NOSTRIN: variants seen among roughly 807,000 people sequenced by gnomAD.
NOSTRIN encodes nitric oxide synthase trafficking, also known as BM247 homolog.
In NOSTRIN, 63 loss-of-function variants were observed where a neutral mutation model predicts 59.0. That is an observed-to-expected ratio of 1.07 (90% confidence interval 0.87 to 1.32). NOSTRIN has a LOEUF of 1.32. Ranked by LOEUF, NOSTRIN falls within the 40% of genes most tolerant of loss-of-function variation. The pLI is 0.00. For synonymous variants in NOSTRIN, 200 were observed against 165.4 expected (o/e 1.21, Z -1.61); for missense variants, 512 against 473.1 (o/e 1.08, Z -0.76).
At chr2:168,850,819 C>T (rs1688720033) in intron 8 of NOSTRIN, 1 of 781,226 alleles carries the variant, frequency 1.3e-6, no homozygotes, top group African/African-American at 1.7e-5. Flanking sequence ...TTTTCTCCCC[C>T]TTCCTCATAA....
intron 7 of NOSTRIN, 68 bp from the exon 8 acceptor site, chr2:168,842,924 T>C (rs1488129123): frequency 9.8e-5 from 81 of 830,452 alleles, no homozygotes; most frequent in Non-Finnish European, 6.2e-6. Context: ...ATATAATTAT[T>C]ACTATGGAAT....
At chr2:168,787,813 C>G (rs961256991) in intron 1 of NOSTRIN, 4 of 152,154 alleles carry the variant, frequency 2.6e-5, no homozygotes, top group African/African-American at 9.7e-5. Flanking sequence ...AAGTAGAAGA[C>G]TGAAACTGGA....
At chr2:168,803,787 C>T (rs1349116159) in intron 1 of NOSTRIN, among the ~76,000 whole-genome samples, 1 of 152,142 alleles carries the variant, frequency 6.6e-6, no homozygotes, top group African/African-American at 2.4e-5. Context: ...AAGAGTGAAA[C>T]TTCCCCCTTT....
chr2:168,863,881 A>G (rs1689661028), intron 15 of NOSTRIN, among the ~76,000 whole-genome samples: 1 of 152,162 alleles, frequency 6.6e-6, no homozygotes, highest in African/African-American at 2.4e-5. Flanking sequence ...TGAGCCAGGC[A>G]GCATAAGGAT....
At chr2:168,802,604 G>A (rs1328295438), upstream of NOSTRIN, 3 of 862,616 alleles carry the variant, frequency 3.5e-6, no homozygotes, top group Non-Finnish European at 6.0e-6. Flanking sequence ...TGTCCAGAAT[G>A]CTGGAGCGTA....
At chr2:168,829,610 T>C (rs2105641519) in intron 5 of NOSTRIN, among the ~76,000 whole-genome samples, 1 of 152,344 alleles carries the variant, frequency 6.6e-6, no homozygotes, top group East Asian at 1.9e-4. Flanking sequence ...CATGAGCCAC[T>C]GCCCTCGGCC....
intron 2 of NOSTRIN, among the ~76,000 whole-genome samples, chr2:168,789,424 C>T (rs1422703748): frequency 6.6e-6 from 1 of 152,128 alleles, no homozygotes; most frequent in Non-Finnish European, 1.5e-5. Context: ...TAGGGGAACT[C>T]CCCTTTATAA....
intron 8 of NOSTRIN, among the ~76,000 whole-genome samples, chr2:168,844,794 C>T (rs1004527917): frequency 1.3e-5 from 2 of 151,568 alleles, no homozygotes; most frequent in African/African-American, 2.4e-5. Context: ...GGCGTGAACC[C>T]GGGAGGCAGA....
chr2:168,860,705 C>A, intron 13 of NOSTRIN, 90 bp from the exon 14 acceptor site: 9 of 794,254 alleles, frequency 1.1e-5, no homozygotes, highest in East Asian at 2.6e-5. Context: ...GAAAAAACAA[C>A]TTGAGGAAAA....
chr2:168,840,563 A>G (rs201496382), intron 7 of NOSTRIN, among the ~76,000 whole-genome samples: 3 of 151,376 alleles, frequency 2.0e-5, no homozygotes, highest in East Asian at 1.9e-4. Context: ...AAAAAAACAG[A>G]TATGTCCTGT....
chr2:168,823,815 G>A (rs556124782), intron 2 of NOSTRIN, among the ~76,000 whole-genome samples: 9 of 152,288 alleles, frequency 5.9e-5, no homozygotes, highest in African/African-American at 1.4e-4. Context: ...AGTGGCTCAC[G>A]CCTGTAATCC....
At chr2:168,807,543 G>C (rs1685920690) in intron 1 of NOSTRIN, among the ~76,000 whole-genome samples, 1 of 152,200 alleles carries the variant, frequency 6.6e-6, no homozygotes, top group Non-Finnish European at 1.5e-5. Context: ...CAAGGGTAAA[G>C]ATTCTCTCCA....
intron 9 of NOSTRIN, 40 bp downstream of exon 9, chr2:168,851,222 A>G (rs2105755543): frequency 1.9e-6 from 3 of 1,614,110 alleles, no homozygotes; most frequent in Non-Finnish European, 2.5e-6. Flanking sequence ...TATGCCTGGT[A>G]AGAAGGGGCA....
intron 14 of NOSTRIN, among the ~76,000 whole-genome samples, 173 bp from the exon 15 acceptor site, chr2:168,861,787 A>G (rs1689467222): frequency 6.6e-6 from 1 of 152,264 alleles, no homozygotes; most frequent in South Asian, 2.1e-4. Flanking sequence ...AAAGTGCATC[A>G]TAAGTGGTTA....
intron 8 of NOSTRIN, among the ~76,000 whole-genome samples, chr2:168,849,006 C>T (rs950943333): frequency 6.6e-6 from 1 of 151,864 alleles, no homozygotes; most frequent in African/African-American, 2.4e-5. Context: ...CACCATATAC[C>T]ATAGATGAAT....
intron 10 of NOSTRIN, among the ~76,000 whole-genome samples, chr2:168,851,883 AG>A (rs1375583302): frequency 6.6e-6 from 1 of 152,162 alleles, no homozygotes; most frequent in Non-Finnish European, 1.5e-5. Flanking sequence ...GCTGCAATCA[AG>A]GTATCAGGTT....
At position 168,859,762 on chromosome 2, in the gene NOSTRIN, TAAG is replaced by T. The variant is rs113440271; in HGVS notation, c.1179+130_1179+132del. 16,242 of 1,248,574 alleles carry T rather than the reference TAAG, an allele frequency of 0.013. 1,179 individuals are homozygous for T. The African/African-American group carries it at 0.18, about 14-fold the overall frequency. The allele number at this position is 1,248,574 out of a possible 1,614,324, so 77.3% of individuals were successfully genotyped here. A position where few individuals can be genotyped will look rare whatever the true frequency, so the allele number is the denominator to read the frequency against. ...TGATATTAATATTCATGCAGTTAGT[TAAG>T]AAGATAAATGTTTTTATTTTTCTTT... On this transcript the variant is annotated intron_variant, in intron 13 of 15. Transcript: ENST00000317647.
intron 2 of NOSTRIN, among the ~76,000 whole-genome samples, chr2:168,815,144 C>T (rs1686332034): frequency 6.6e-6 from 1 of 152,144 alleles, no homozygotes; most frequent in Non-Finnish European, 1.5e-5. Context: ...AACTCAGCTG[C>T]CCTCTTGCAC....
intron 1 of NOSTRIN, 70 bp downstream of exon 1, chr2:168,802,743 A>T: frequency 1.2e-6 from 1 of 838,976 alleles, no homozygotes; most frequent in Non-Finnish European, 2.1e-6. Context: ...ATATTAATGG[A>T]TTTTAACTTA....
Sources: allele counts gnomAD v4.1 joint callset (sites outside exome capture counted in the v4.1 genomes callset), GRCh38; gene constraint gnomAD v4.1.1; transcripts MANE v1.5; gene names NCBI Gene and HGNC (gene_info 2026-07-23, HGNC 2026-07-21).